Variants in GLG1 observed in about 807,000 individuals in gnomAD.
GLG1 encodes golgi glycoprotein 1.
Under a neutral mutation model 160.5 loss-of-function variants are expected in GLG1, and 38 were observed. The observed-to-expected ratio is 0.24, with a 90% confidence interval of 0.18 to 0.31. The LOEUF (loss-of-function observed/expected upper bound fraction) is 0.31, where lower values mean the gene tolerates loss of function less well. Ranked by LOEUF, GLG1 falls within the 10% of genes least tolerant of loss-of-function variation. The pLI, the probability that GLG1 is intolerant of heterozygous loss-of-function variation, is 1.00. For missense variants in GLG1, 1,373 were observed against 1,505.2 expected (o/e 0.91, Z 1.45); for synonymous variants, 644 against 543.4 (o/e 1.19, Z -2.57).
rs2017821029 is a variant in GLG1, at chr16:74,540,136, A to ATTT, written c.439-7984_439-7983insAAA. Among the ~76,000 whole-genome samples the ATTT allele has an allele frequency of 4.3e-3, 2 of 464 alleles. 1 individual carries two copies. The highest frequency in any genetic ancestry group is 0.17 in the Non-Finnish European group (2 of 12). 0.3% of individuals were successfully genotyped at this position (464 alleles called of 152,430 possible). A position where few individuals can be genotyped will look rare whatever the true frequency, so the allele number is the denominator to read the frequency against. On this transcript the variant is annotated intron_variant, in intron 1 of 25. Coordinates refer to ENST00000422840, the MANE Select transcript of GLG1 (RefSeq NM_001145667.2). The stretch of plus-strand genomic sequence containing the variant: ...TATATATTATATATATTTTATATAT[A>ATTT]TAATATATTATATATATATAGCAAT...
chr16:74,592,190 T>C (rs1349542005), intron 1 of GLG1, among the ~76,000 whole-genome samples: 1 of 152,180 alleles, frequency 6.6e-6, no homozygotes, highest in African/African-American at 2.4e-5. Flanking sequence ...TCATCCAGGT[T>C]GGAGTGCAAT....
Position 74,496,498 on chromosome 16 carries a change from G to C in GLG1, c.921C>G (p.His307Gln), listed in dbSNP as rs1357273416. 1 of 1,614,020 alleles carries C rather than the reference G, an allele frequency of 6.2e-7. No homozygotes were observed. The highest frequency in any genetic ancestry group is 8.5e-7 in the Non-Finnish European group (1 of 1,179,946). The change falls in exon 5 of 26, where the codon CAC becomes CAG. Residue 307 changes from histidine (H) to glutamine (Q), a missense_variant. Transcript: ENST00000422840. ...AAGCAAAATATAAATGCCGGTCTAA[G>C]TGAAAGTCATCCGATGACAGCTCAG... ...RVAELSSDDF[H>Q]LDRHLYFACR...
In GLG1 at chr16:74,459,695, T is replaced by G. The variant is rs963467073; in HGVS notation, c.3131A>C (p.Glu1044Ala). 21 of 1,552,640 alleles carry G rather than the reference T, an allele frequency of 1.4e-5. No individual in the cohort carries two copies. The highest frequency in any genetic ancestry group is 1.7e-5 in the Non-Finnish European group (19 of 1,128,592). ...LKVNLLKIKT[E>A]LCKKEVLNML... ...GACGGTGGTTACCTTTTTACACAATTCTGTTTTGATCTTGAGCAGGTTGAC... is the reference window on the plus strand; with the variant it reads ...GACGGTGGTTACCTTTTTACACAATGCTGTTTTGATCTTGAGCAGGTTGAC... Residue 1044 changes from glutamate to alanine, a missense_variant, in exon 23 of 26, where the codon GAA (glutamate) becomes GCA (alanine). Transcript: ENST00000422840.
intron 1 of GLG1, among the ~76,000 whole-genome samples, chr16:74,545,240 G>T (rs1597332134): frequency 6.6e-6 from 1 of 152,008 alleles, no homozygotes; most frequent in East Asian, 1.9e-4. Context: ...GAGTGCAGTG[G>T]TACAATCTCA....
At chr16:74,507,285 T>C (rs1254288580) in intron 3 of GLG1, among the ~76,000 whole-genome samples, 1 of 152,138 alleles carries the variant, frequency 6.6e-6, no homozygotes, top group Admixed American at 6.5e-5. Flanking sequence ...GAAACCAGCC[T>C]AATGCAAAGA....
At chr16:74,496,143 C>G (rs2016178138) in intron 5 of GLG1, among the ~76,000 whole-genome samples, 1 of 152,004 alleles carries the variant, frequency 6.6e-6, no homozygotes, top group African/African-American at 2.4e-5. Flanking sequence ...TGGTGCTTGC[C>G]TATGGTTTTA....
At chr16:74,480,510 G>A in intron 10 of GLG1, 116 bp from the exon 11 acceptor site, 1 of 651,190 alleles carries the variant, frequency 1.5e-6, no homozygotes. Flanking sequence ...ACTTCCAGGG[G>A]CGTGGAGACA....
intron 1 of GLG1, among the ~76,000 whole-genome samples, chr16:74,601,566 T>TA (rs1447205774): frequency 6.6e-6 from 1 of 152,186 alleles, no homozygotes; most frequent in African/African-American, 2.4e-5. Context: ...GGATTCAATA[T>TA]AAATATCAAG....
At chr16:74,489,288 T>C (rs972252421) in intron 8 of GLG1, among the ~76,000 whole-genome samples, 2 of 151,962 alleles carry the variant, frequency 1.3e-5, no homozygotes, top group African/African-American at 2.4e-5. Context: ...CTAGCCAACA[T>C]GATGAAACCC....
intron 1 of GLG1, among the ~76,000 whole-genome samples, chr16:74,561,669 AC>A (rs2018517746): frequency 6.6e-6 from 1 of 152,236 alleles, no homozygotes; most frequent in Non-Finnish European, 1.5e-5. Context: ...AAGTCAAATT[AC>A]CTATGATAAC....
intron 2 of GLG1, among the ~76,000 whole-genome samples, chr16:74,529,717 T>C (rs1461636461): frequency 6.6e-6 from 1 of 151,678 alleles, no homozygotes; most frequent in African/African-American, 2.4e-5. Flanking sequence ...GCTTCTTACA[T>C]AGACCTTCCA....
intron 1 of GLG1, among the ~76,000 whole-genome samples, chr16:74,597,248 T>A (rs763602727): frequency 6.7e-6 from 1 of 149,496 alleles, no homozygotes; most frequent in Admixed American, 6.7e-5. Flanking sequence ...ATGTCCAACA[T>A]GGCGAAACCC....
At chr16:74,499,269 C>G (rs994321618) in intron 4 of GLG1, among the ~76,000 whole-genome samples, 4 of 152,100 alleles carry the variant, frequency 2.6e-5, no homozygotes, top group African/African-American at 9.7e-5. Flanking sequence ...GAGACAGGGT[C>G]TTGCTCTGTT....
At chr16:74,591,217 G>A (rs1958175135) in intron 1 of GLG1, among the ~76,000 whole-genome samples, 1 of 151,994 alleles carries the variant, frequency 6.6e-6, no homozygotes, top group South Asian at 2.1e-4. Flanking sequence ...TGTAGTCCCA[G>A]CTACTCAGGA....
At chr16:74,488,448 A>G (rs867743082) in intron 8 of GLG1, among the ~76,000 whole-genome samples, 1 of 152,116 alleles carries the variant, frequency 6.6e-6, no homozygotes, top group South Asian at 2.1e-4. Flanking sequence ...ACATTCGTCA[A>G]TTTGACTGGG....
At position 74,493,050 on chromosome 16, in the gene GLG1, T is replaced by G; in HGVS notation, c.1141A>C (p.Lys381Gln). Residue 381 changes from lysine to glutamine, a missense_variant, in exon 7 of 26, where the codon AAG becomes CAG. Transcript: ENST00000422840. ...SLAKSCKSDL[K>Q]KYRCNVENLP... Reference sequence around the variant, plus strand: ...TTTTCCACATTGCACCGGTATTTCTTCAAGTCACTTTTACAGGATTTGGCC... The same window carrying G: ...TTTTCCACATTGCACCGGTATTTCTGCAAGTCACTTTTACAGGATTTGGCC... The G allele has an allele frequency of 6.2e-7, 1 of 1,613,932 alleles. No individual in the cohort carries two copies. Among genetic ancestry groups the G allele is most frequent in the Non-Finnish European group, 8.5e-7 (1 of 1,179,818 alleles).
intron 7 of GLG1, among the ~76,000 whole-genome samples, chr16:74,491,430 G>C (rs1000944061): frequency 2.6e-5 from 4 of 152,148 alleles, no homozygotes; most frequent in Non-Finnish European, 4.4e-5. Context: ...TGTTCTGCAT[G>C]AAACAGGTTT....
rs919559175 is a variant in GLG1, at chr16:74,452,353, A to C, written c.*814T>G. 7.3e-7 allele frequency: 1 copy of C among 1,368,554 alleles called. No homozygotes were observed. Among genetic ancestry groups the C allele is most frequent in the African/African-American group, 1.5e-5 (1 of 68,296 alleles). The allele number at this position is 1,368,554 out of a possible 1,614,324, so 84.8% of individuals were successfully genotyped here. On this transcript the variant is annotated 3_prime_UTR_variant, in exon 26 of 26. Coordinates refer to ENST00000422840, the MANE Select transcript of GLG1 (RefSeq NM_001145667.2). ...CTGGGATCCTGCTGCCCCGGGACTC[A>C]GGATCCAGCCTCTCAGTGCAGATGG...
At chr16:74,559,280 A>T (rs1312977325) in intron 1 of GLG1, among the ~76,000 whole-genome samples, 3 of 144,194 alleles carry the variant, frequency 2.1e-5, no homozygotes, top group African/African-American at 7.5e-5. Flanking sequence ...CCTGCTGTTT[A>T]AAAAAAAAAA....
Sources: gnomAD v4.1 joint callset for allele counts (sites outside exome capture counted in the v4.1 genomes callset) on GRCh38, gnomAD v4.1.1 for gene constraint, MANE v1.5 for transcripts, NCBI Gene and HGNC (gene_info 2026-07-23, HGNC 2026-07-21) for gene names.